ZNF320: variants seen among roughly 807,000 people sequenced by gnomAD.
ZNF320 encodes the protein zinc finger protein 320.
ZNF320 carries 2 observed loss-of-function variants against 6.8 expected under a neutral mutation model. The observed-to-expected ratio is 0.29, with a 90% CI of 0.12 to 0.93. The LOEUF is 0.93. Ranked by LOEUF, ZNF320 falls within the 40% of genes least tolerant of loss-of-function variation. ZNF320 has a pLI of 0.55. For missense variants in ZNF320, 472 were observed against 611.0 expected, an observed-to-expected ratio of 0.77 and a Z score of 2.40; for synonymous variants, 208 against 203.2, an observed-to-expected ratio of 1.02 and a Z score of -0.20.
downstream of ZNF320, among the ~76,000 whole-genome samples, chr19:52,859,952 A>T (rs887653894): frequency 6.9e-6 from 1 of 144,338 alleles, no homozygotes; most frequent in Admixed American, 7.2e-5. Flanking sequence ...TCGCTCTGTC[A>T]CCCAGGCTGG....
Position 52,880,561 on chromosome 19 carries a change from C to G in ZNF320, c.*35G>C, listed in dbSNP as rs1282535739. 1.3e-6 allele frequency: 2 copies of G among 1,552,552 alleles called. No homozygotes were observed. Among genetic ancestry groups the G allele is most frequent in the Non-Finnish European group, 1.7e-6 (2 of 1,149,036 alleles). The stretch of plus-strand genomic sequence containing the variant: ...ATGCTTGAAATCAATGTTAAGTCAA[C>G]TCAAACTCAGGTCAATGCTGATTTG... On this transcript the variant is annotated 3_prime_UTR_variant, in exon 6 of 6. Transcript: ENST00000682928.
downstream of ZNF320, chr19:52,873,894 G>C (rs776822269): frequency 2.9e-6 from 1 of 342,688 alleles, no homozygotes; most frequent in Non-Finnish European, 5.9e-6. Flanking sequence ...AAACGTGTGA[G>C]GCAGGACGCT....
intron 1 of ZNF320, among the ~76,000 whole-genome samples, chr19:52,896,607 G>C (rs900945460): frequency 1.3e-5 from 2 of 152,064 alleles, no homozygotes; most frequent in African/African-American, 4.8e-5. Flanking sequence ...TACTCTGCAG[G>C]CTGAGGTGAC....
upstream of ZNF320, chr19:52,897,770 A>G (rs1190700277): frequency 7.1e-6 from 1 of 140,488 alleles, no homozygotes; most frequent in East Asian, 2.1e-4. Flanking sequence ...CTAGGCCGGG[A>G]TGAGACGCGA....
downstream of ZNF320, among the ~76,000 whole-genome samples, chr19:52,875,314 A>C (rs183780041): frequency 2.2e-3 from 338 of 152,296 alleles, 1 homozygote; most frequent in African/African-American, 7.5e-3. Flanking sequence ...CAGAGAGCTG[A>C]GGAGACAACT....
chr19:52,898,177 A>G (rs1051163225), upstream of ZNF320, among the ~76,000 whole-genome samples: 6 of 152,234 alleles, frequency 3.9e-5, no homozygotes, highest in Admixed American at 2.0e-4. Context: ...CCCACAGAAC[A>G]GAATAGCAAA....
intron 5 of ZNF320, among the ~76,000 whole-genome samples, chr19:52,864,968 G>T (rs957405125): frequency 1.3e-5 from 2 of 151,846 alleles, no homozygotes; most frequent in Non-Finnish European, 2.9e-5. Flanking sequence ...AGCCGAGATC[G>T]GGCCACTACA....
At chr19:52,876,062 CCTTGAACAT>C (rs1215505551), downstream of ZNF320, 2 of 152,160 alleles carry the variant, frequency 1.3e-5, no homozygotes, top group Non-Finnish European at 2.9e-5. Flanking sequence ...TCCTGTCCAT[CCTTGAACAT>C]CTGCAAAGAA....
chr19:52,884,844 A>C (rs1187439606), intron 5 of ZNF320, among the ~76,000 whole-genome samples: 1 of 152,206 alleles, frequency 6.6e-6, no homozygotes, highest in Non-Finnish European at 1.5e-5. Flanking sequence ...CTTATTAAAC[A>C]AAGGATGTTT....
At chr19:52,899,472 C>CT (rs1473123755), upstream of ZNF320, among the ~76,000 whole-genome samples, 2 of 151,974 alleles carry the variant, frequency 1.3e-5, no homozygotes, top group East Asian at 1.9e-4. Flanking sequence ...ATTTCTTTTT[C>CT]TTTTTTTGGT....
At chr19:52,882,502 G>C (rs2147822365) in intron 5 of ZNF320, among the ~76,000 whole-genome samples, 1 of 152,220 alleles carries the variant, frequency 6.6e-6, no homozygotes, top group East Asian at 1.9e-4. Flanking sequence ...ACAAAAATTA[G>C]CCAGGTGTGG....
chr19:52,883,417 A>C (rs1345543860), intron 5 of ZNF320, among the ~76,000 whole-genome samples: 1 of 152,110 alleles, frequency 6.6e-6, no homozygotes, highest in Non-Finnish European at 1.5e-5. Flanking sequence ...CACATACCAA[A>C]AACTCATAAA....
At chr19:52,885,518 C>A (rs1277193463) in intron 5 of ZNF320, among the ~76,000 whole-genome samples, 3 of 151,914 alleles carry the variant, frequency 2.0e-5, no homozygotes, top group Non-Finnish European at 4.4e-5. Flanking sequence ...AGATCGAGAC[C>A]ATCCTGGCTA....
At chr19:52,868,489 A>G (rs2063619654) in intron 5 of ZNF320, among the ~76,000 whole-genome samples, 1 of 151,486 alleles carries the variant, frequency 6.6e-6, no homozygotes. Context: ...CTGGGCAAGA[A>G]GAGCGAAACT....
chr19:52,901,925 TC>T (rs2064572496), upstream of ZNF320, among the ~76,000 whole-genome samples: 1 of 149,334 alleles, frequency 6.7e-6, no homozygotes, highest in African/African-American at 2.5e-5. Context: ...TTTTTTTTTT[TC>T]TTTCTGACAC....
At chr19:52,891,725 G>A (rs925008140) in intron 2 of ZNF320, among the ~76,000 whole-genome samples, 1 of 152,176 alleles carries the variant, frequency 6.6e-6, no homozygotes, top group East Asian at 1.9e-4. Flanking sequence ...TGGGGAACAC[G>A]GGAAGCTGGT....
At chr19:52,865,477 T>TATATATATATGTAATAC (rs1568692755) in intron 5 of ZNF320, 21 of 43,978 alleles carry the variant, frequency 4.8e-4, no homozygotes, top group African/African-American at 1.5e-3. Flanking sequence ...ATATTACATA[T>TATATATATATGTAATAC]ATATATAATA....
At chr19:52,900,150 TG>T (rs2064566835), upstream of ZNF320, among the ~76,000 whole-genome samples, 3 of 152,150 alleles carry the variant, frequency 2.0e-5, no homozygotes, top group Non-Finnish European at 2.9e-5. Context: ...TATAACCTGG[TG>T]GGGGCCGTCT....
At chr19:52,893,696 A>G (rs757520032) in intron 2 of ZNF320, 83 bp downstream of exon 2, 1 of 152,198 alleles carries the variant, frequency 6.6e-6, no homozygotes, top group Non-Finnish European at 1.5e-5. Context: ...CATACTTCAA[A>G]TTACATCCAC....
Sources: allele counts gnomAD v4.1 joint callset (sites outside exome capture counted in the v4.1 genomes callset), GRCh38; gene constraint gnomAD v4.1.1; transcripts MANE v1.5; gene names NCBI Gene and HGNC (gene_info 2026-07-23, HGNC 2026-07-21).